The following PARD3 variants were observed in gnomAD, a reference collection of about 807,000 sequenced individuals.
The protein encoded by PARD3 is par-3 family cell polarity regulator.
A neutral mutation model predicts 155.4 loss-of-function variants in PARD3; 75 were observed. That is an observed-to-expected ratio of 0.48 (90% CI 0.40 to 0.58). The LOEUF (loss-of-function observed/expected upper bound fraction) is 0.58. Among genes scored for constraint, PARD3 ranks in the 20% least tolerant of loss-of-function variants. PARD3 has a pLI of 0.00. For missense variants in PARD3, 1,642 were observed against 1,721.7 expected (o/e 0.95, Z 0.82); for synonymous variants, 576 against 610.5 (o/e 0.94, Z 0.83).
intron 12 of PARD3, among the ~76,000 whole-genome samples, chr10:34,361,397 A>G (rs761472421): frequency 5.3e-5 from 8 of 152,252 alleles, no homozygotes; most frequent in Non-Finnish European, 1.0e-4. Flanking sequence ...ACAGTGGTAC[A>G]CAGATATGTA....
At chr10:34,746,938 G>A (rs998372093) in intron 1 of PARD3, among the ~76,000 whole-genome samples, 2 of 152,274 alleles carry the variant, frequency 1.3e-5, no homozygotes, top group East Asian at 3.9e-4. Flanking sequence ...CCAGGCTGCC[G>A]GGGTTCAGGG....
intron 4 of PARD3, among the ~76,000 whole-genome samples, chr10:34,453,797 A>G (rs1017955935): frequency 6.6e-6 from 1 of 152,234 alleles, no homozygotes; most frequent in Non-Finnish European, 1.5e-5. Flanking sequence ...GTCAATTATG[A>G]CATGCAGTAC....
chr10:34,402,369 T>C (rs1458417233), intron 5 of PARD3, among the ~76,000 whole-genome samples: 1 of 152,138 alleles, frequency 6.6e-6, no homozygotes, highest in African/African-American at 2.4e-5. Context: ...ACCATAACCA[T>C]TACCAAAAGC....
chr10:34,355,654 C>T (rs1838719572), intron 14 of PARD3, among the ~76,000 whole-genome samples: 5 of 152,104 alleles, frequency 3.3e-5, no homozygotes, highest in South Asian at 2.1e-4. Flanking sequence ...CCTGGTGGGG[C>T]GCAGTGGCTC....
rs183433952 is a variant in PARD3 at position 34,120,668 on chromosome 10, A to G, written c.3541-928T>C. 3.0e-4 allele frequency among the ~76,000 whole-genome samples: 46 copies of G among 152,320 alleles called. No homozygotes were observed. The East Asian group carries it at 5.2e-3, about 17-fold the overall frequency. On this transcript the variant is annotated intron_variant, in intron 23 of 24. Coordinates refer to ENST00000374788, the MANE Select transcript of PARD3 (RefSeq NM_001184785.2). ...TGCAATCCACAGATGGCAGCCAAAC[A>G]GGGAACAGAAATGCCTATCAAAAGA...
intron 20 of PARD3, among the ~76,000 whole-genome samples, chr10:34,309,490 C>G (rs1957584253): frequency 7.6e-6 from 1 of 131,418 alleles, no homozygotes; most frequent in African/African-American, 2.8e-5. Flanking sequence ...CCCAGCAGTT[C>G]AAGGTGCAGT....
intron 3 of PARD3, among the ~76,000 whole-genome samples, chr10:34,484,976 C>A (rs2079347879): frequency 6.6e-6 from 1 of 152,154 alleles, no homozygotes; most frequent in Admixed American, 6.5e-5. Flanking sequence ...TCCTAGACAA[C>A]CTCACCTTTC....
intron 22 of PARD3, among the ~76,000 whole-genome samples, chr10:34,211,372 C>A (rs760740426): frequency 6.6e-6 from 1 of 152,004 alleles, no homozygotes; most frequent in East Asian, 1.9e-4. Flanking sequence ...GTTAGGCCAG[C>A]GGGAAGGGAG....
At chr10:34,645,929 T>C (rs772560041) in intron 2 of PARD3, among the ~76,000 whole-genome samples, 3 of 152,156 alleles carry the variant, frequency 2.0e-5, no homozygotes, top group Non-Finnish European at 4.4e-5. Flanking sequence ...AAATCCAAAA[T>C]GGAAAAGAAA....
chr10:34,268,436 C>A (rs942403849), intron 22 of PARD3, among the ~76,000 whole-genome samples: 5 of 135,910 alleles, frequency 3.7e-5, no homozygotes, highest in South Asian at 2.5e-4. Context: ...TGGGTATATA[C>A]CCAAAGGACT....
intron 3 of PARD3, among the ~76,000 whole-genome samples, chr10:34,473,324 A>G (rs887087753): frequency 2.0e-5 from 3 of 152,148 alleles, no homozygotes; most frequent in Admixed American, 6.5e-5. Flanking sequence ...ATTTATGTCC[A>G]CTGTCAAATT....
chr10:34,574,448 T>G (rs1437550613), intron 2 of PARD3, among the ~76,000 whole-genome samples: 2 of 152,184 alleles, frequency 1.3e-5, no homozygotes, highest in Non-Finnish European at 2.9e-5. Flanking sequence ...CACTCCTCAG[T>G]GCTCCTGCTA....
At chr10:34,183,873 C>T (rs938505487) in intron 22 of PARD3, among the ~76,000 whole-genome samples, 4 of 152,208 alleles carry the variant, frequency 2.6e-5, no homozygotes, top group Admixed American at 6.5e-5. Flanking sequence ...TTAATCCTAT[C>T]GGCATGAAAC....
At chr10:34,722,851 T>C (rs1037329189) in intron 1 of PARD3, among the ~76,000 whole-genome samples, 1 of 152,162 alleles carries the variant, frequency 6.6e-6, no homozygotes, top group Non-Finnish European at 1.5e-5. Flanking sequence ...CATGATGAAA[T>C]ATTTACCAGT....
At chr10:34,811,365 A>G (rs1225765277) in intron 1 of PARD3, among the ~76,000 whole-genome samples, 1 of 152,126 alleles carries the variant, frequency 6.6e-6, no homozygotes, top group Non-Finnish European at 1.5e-5. Flanking sequence ...TTCACTTATC[A>G]GAATCGTAGC....
chr10:34,485,963 A>G (rs543547286), intron 3 of PARD3, among the ~76,000 whole-genome samples: 2 of 111,980 alleles, frequency 1.8e-5, no homozygotes, highest in African/African-American at 8.4e-5. Context: ...TTACTTTGTC[A>G]CCCAGGCTGG....
Position 34,284,256 on chromosome 10 carries a change from C to A in PARD3, c.3066-11G>T. ...CGATGTTTGCCAAACCTGTTAATAACAAAAAATTCTAACTTGTCAATATAT... is the reference window on the plus strand; with the variant it reads ...CGATGTTTGCCAAACCTGTTAATAAAAAAAAATTCTAACTTGTCAATATAT... On this transcript the variant is annotated splice_polypyrimidine_tract_variant and intron_variant, in intron 20 of 24. Transcript: ENST00000374788. 6.6e-7 allele frequency: 1 copy of A among 1,519,930 alleles called. No homozygotes were observed. The highest frequency in any genetic ancestry group is 9.1e-7 in the Non-Finnish European group (1 of 1,102,042). 94.2% of individuals were successfully genotyped at this position (1,519,930 alleles called of 1,614,324 possible). A position where few individuals can be genotyped will look rare whatever the true frequency, so the allele number is the denominator to read the frequency against.
chr10:34,283,533 A>G (rs186878660), intron 21 of PARD3, among the ~76,000 whole-genome samples: 39 of 152,290 alleles, frequency 2.6e-4, no homozygotes, highest in Non-Finnish European at 3.8e-4. Flanking sequence ...ATTGGTCTTT[A>G]AGTTCTCAAC....
intron 7 of PARD3, among the ~76,000 whole-genome samples, chr10:34,398,682 CA>C (rs1267755997): frequency 6.6e-6 from 1 of 151,934 alleles, no homozygotes; most frequent in African/African-American, 2.4e-5. Flanking sequence ...ACATTAAAAC[CA>C]AAAATATCAC....
Sources: allele counts gnomAD v4.1 joint callset (sites outside exome capture counted in the v4.1 genomes callset), GRCh38; gene constraint gnomAD v4.1.1; transcripts MANE v1.5; gene names NCBI Gene and HGNC (gene_info 2026-07-23, HGNC 2026-07-21).